The following TAS2R1 variants were observed in gnomAD, a reference collection of about 807,000 sequenced individuals.
TAS2R1 encodes taste 2 receptor member 1, also known as taste receptor type 2 member 1.
For synonymous variants in TAS2R1, 141 were observed against 134.2 expected, an observed-to-expected ratio of 1.05 and a Z score of -0.35; for missense variants, 370 against 353.4, an observed-to-expected ratio of 1.05 and a Z score of -0.38.
At chr5:9,838,446 C>T in the TAS2R1 span, among the ~76,000 whole-genome samples, 1 of 152,112 alleles carries the variant, frequency 6.6e-6, no homozygotes, top group Non-Finnish European at 1.5e-5. Flanking sequence ...TCATGCCAGC[C>T]AAGACAGCTC....
At chr5:9,681,767 T>C (rs1741000741) in intron 1 of TAS2R1, among the ~76,000 whole-genome samples, 1 of 152,160 alleles carries the variant, frequency 6.6e-6, no homozygotes, top group African/African-American at 2.4e-5. Flanking sequence ...TGCTTCTCAG[T>C]GTGGTCCAGG....
the TAS2R1 span, among the ~76,000 whole-genome samples, chr5:9,893,096 C>T: frequency 6.6e-6 from 1 of 152,274 alleles, no homozygotes; most frequent in African/African-American, 2.4e-5. Context: ...TTTTAAGGTT[C>T]CCCCAATAAT....
At chr5:9,744,984 T>A in the TAS2R1 span, among the ~76,000 whole-genome samples, 2 of 152,356 alleles carry the variant, frequency 1.3e-5, no homozygotes, top group South Asian at 4.1e-4. Flanking sequence ...TGAAACTTCA[T>A]CTTACAAGGT....
rs761665786 is a variant in TAS2R1, at chr5:9,629,590, G to T, written c.443C>A (p.Ala148Glu). The T allele has an allele frequency of 6.2e-7, 1 of 1,614,134 alleles. No homozygotes were observed. The highest frequency in any genetic ancestry group is 1.7e-5 in the Admixed American group (1 of 60,020). The change falls in exon 1 of 1, where the codon GCA (alanine) becomes GAA (glutamate). Residue 148 changes from alanine (A) to glutamate (E), a missense_variant. By Grantham distance (107) the Ala-to-Glu change is moderately radical. Coordinates refer to ENST00000382492, the MANE Select transcript of TAS2R1 (RefSeq NM_019599.3). ...SMICVFHSKYAGFMVPYFLRK... is the reference protein window; with the variant it reads ...SMICVFHSKYEGFMVPYFLRK... ...TAGGAAGTATGGGACCATAAACCCT[G>T]CATATTTGCTATGGAAAACACAAAT...
At chr5:9,858,564 G>A in the TAS2R1 span, among the ~76,000 whole-genome samples, 1 of 152,190 alleles carries the variant, frequency 6.6e-6, no homozygotes, top group Non-Finnish European at 1.5e-5. Flanking sequence ...TTCCCTCAAT[G>A]TTAAGTTCAA....
chr5:9,675,789 G>T (rs956173535), intron 1 of TAS2R1, among the ~76,000 whole-genome samples: 1 of 152,028 alleles, frequency 6.6e-6, no homozygotes, highest in Admixed American at 6.6e-5. Flanking sequence ...ATAAGATCAC[G>T]CCATCTGCAA....
At chr5:9,800,066 T>A in the TAS2R1 span, among the ~76,000 whole-genome samples, 1 of 152,334 alleles carries the variant, frequency 6.6e-6, no homozygotes, top group African/African-American at 2.4e-5. Context: ...AGCAGGCCTA[T>A]TTCTTTCCTC....
At chr5:9,792,970 C>G in the TAS2R1 span, among the ~76,000 whole-genome samples, 33 of 152,252 alleles carry the variant, frequency 2.2e-4, no homozygotes, top group Non-Finnish European at 4.3e-4. Flanking sequence ...AACATCTCAC[C>G]ACTGTGCTAA....
chr5:9,753,585 C>A, the TAS2R1 span, among the ~76,000 whole-genome samples: 117 of 152,202 alleles, frequency 7.7e-4, no homozygotes, highest in African/African-American at 2.7e-3. Context: ...GCTTTTGTTG[C>A]CATTGCTTTT....
the TAS2R1 span, among the ~76,000 whole-genome samples, chr5:9,725,670 A>G: frequency 2.0e-5 from 3 of 146,736 alleles, no homozygotes; most frequent in African/African-American, 8.0e-5. Flanking sequence ...CCCCTGCTCC[A>G]CGGCGCCCAG....
intron 1 of TAS2R1, among the ~76,000 whole-genome samples, chr5:9,681,531 C>A (rs955561819): frequency 7.3e-3 from 640 of 87,602 alleles, no homozygotes; most frequent in South Asian, 8.6e-3. Flanking sequence ...CATGTTTCTG[C>A]AAAAAAAAAA....
At chr5:9,755,396 T>C in the TAS2R1 span, among the ~76,000 whole-genome samples, 40,108 of 151,784 alleles carry the variant, frequency 0.26, 5,661 homozygotes, top group Middle Eastern at 0.41. Flanking sequence ...GGGACCAGCC[T>C]GGGCAACATG....
chr5:9,716,605 C>A (rs1387915143), upstream of TAS2R1, among the ~76,000 whole-genome samples: 2 of 151,938 alleles, frequency 1.3e-5, no homozygotes, highest in East Asian at 3.9e-4. Context: ...CATAATCACC[C>A]AAACCTAGAC....
the TAS2R1 span, among the ~76,000 whole-genome samples, chr5:9,725,633 G>A: frequency 2.0e-5 from 3 of 152,102 alleles, no homozygotes; most frequent in East Asian, 1.9e-4. Context: ...GCTTCTGTGC[G>A]GCCCCAGCCT....
chr5:9,636,044 T>C (rs1483179006), intron 2 of TAS2R1, among the ~76,000 whole-genome samples: 1 of 152,126 alleles, frequency 6.6e-6, no homozygotes, highest in African/African-American at 2.4e-5. Flanking sequence ...TTATTTATGC[T>C]CTTTCAGACT....
the TAS2R1 span, among the ~76,000 whole-genome samples, chr5:9,718,085 G>A: frequency 6.6e-6 from 1 of 151,652 alleles, no homozygotes; most frequent in Non-Finnish European, 1.5e-5. Flanking sequence ...TAAGCTTCCT[G>A]AGTAGCTGGG....
chr5:9,629,808 G>T lies in TAS2R1; in HGVS notation c.225C>A (p.Phe75Leu). The T allele has an allele frequency of 6.2e-7, 1 of 1,613,842 alleles. No individual in the cohort carries two copies. Residue 75 changes from phenylalanine to leucine, a missense_variant, in exon 1 of 1, where the codon TTC becomes TTA. Phe to Leu is a conservative substitution (Grantham distance 22). Coordinates refer to ENST00000382492, the MANE Select transcript of TAS2R1 (RefSeq NM_019599.3). ...TTGCACAATTCGCAGAACACATGAT[G>T]AATTCTATGAAGAAGATAACAATCA... ...VNVIVIFFIE[F>L]IMCSANCAIL...
the TAS2R1 span, among the ~76,000 whole-genome samples, chr5:9,784,949 G>T: frequency 6.6e-6 from 1 of 152,178 alleles, no homozygotes; most frequent in Non-Finnish European, 1.5e-5. Flanking sequence ...GATCCTGGGG[G>T]TTAGGACTTC....
the TAS2R1 span, among the ~76,000 whole-genome samples, chr5:9,830,266 T>C: frequency 6.6e-6 from 1 of 151,868 alleles, no homozygotes; most frequent in African/African-American, 2.4e-5. Context: ...TAGACATAGA[T>C]AGTTAGATAT....
Sources: gnomAD v4.1 joint callset for allele counts (sites outside exome capture counted in the v4.1 genomes callset) on GRCh38, gnomAD v4.1.1 for gene constraint, MANE v1.5 for transcripts, NCBI Gene and HGNC (gene_info 2026-07-23, HGNC 2026-07-21) for gene names.